Variants in PCGF5 observed in about 807,000 individuals in gnomAD.
PCGF5 encodes polycomb group RING finger protein 5.
PCGF5 carries 9 observed loss-of-function variants against 44.3 expected under a neutral mutation model. The observed-to-expected ratio is 0.20, with a 90% CI of 0.12 to 0.35. PCGF5 has a LOEUF of 0.35. PCGF5 is among the 10% of genes least tolerant of loss of function. PCGF5 has a pLI of 1.00. For synonymous variants in PCGF5, 95 were observed against 102.5 expected, an observed-to-expected ratio of 0.93 and a Z score of 0.44; for missense variants, 146 against 305.3, an observed-to-expected ratio of 0.48 and a Z score of 3.89.
At chr10:91,193,950 A>AAG (rs919594919) in intron 1 of PCGF5, among the ~76,000 whole-genome samples, 2 of 152,150 alleles carry the variant, frequency 1.3e-5, no homozygotes, top group African/African-American at 4.8e-5. Context: ...TTTGGGATGT[A>AAG]AGAGAGAGAG....
intron 2 of PCGF5, chr10:91,227,360 A>G (rs1351780959): frequency 1.6e-6 from 2 of 1,217,500 alleles, no homozygotes; most frequent in African/African-American, 3.1e-5. Context: ...CTGGATGTCC[A>G]CTTGGATGTC....
At chr10:91,226,138 G>A (rs1202878499) in intron 2 of PCGF5, among the ~76,000 whole-genome samples, 4 of 151,876 alleles carry the variant, frequency 2.6e-5, no homozygotes, top group South Asian at 4.2e-4. Context: ...GTTTTATGGA[G>A]ACTCATAAGA....
chr10:91,162,153 T>A (rs1170698376), upstream of PCGF5, among the ~76,000 whole-genome samples: 2 of 151,618 alleles, frequency 1.3e-5, no homozygotes, highest in Non-Finnish European at 2.9e-5. Flanking sequence ...AAACGGAGGC[T>A]TTGGGGTGAG....
chr10:91,157,328 T>A, the PCGF5 span, among the ~76,000 whole-genome samples: 1 of 152,240 alleles, frequency 6.6e-6, no homozygotes, highest in African/African-American at 2.4e-5. Context: ...GTTATTACTA[T>A]ATATTTCAGA....
chr10:91,190,027 G>A (rs1844003136), intron 1 of PCGF5, among the ~76,000 whole-genome samples: 1 of 152,158 alleles, frequency 6.6e-6, no homozygotes, highest in South Asian at 2.1e-4. Flanking sequence ...CTACAACAAA[G>A]CACCACAAAC....
At chr10:91,232,337 T>C (rs1188365210) in intron 2 of PCGF5, among the ~76,000 whole-genome samples, 2 of 152,094 alleles carry the variant, frequency 1.3e-5, no homozygotes, top group African/African-American at 4.8e-5. Flanking sequence ...GTACTATGAA[T>C]ACATAAGTAT....
chr10:91,266,639 TG>T (rs1376799778), intron 8 of PCGF5, among the ~76,000 whole-genome samples: 1 of 152,190 alleles, frequency 6.6e-6, no homozygotes, highest in Non-Finnish European at 1.5e-5. Flanking sequence ...GTGACAAACC[TG>T]TTTTTTAGTT....
At chr10:91,255,961 G>A (rs7900890) in intron 6 of PCGF5, among the ~76,000 whole-genome samples, 19,860 of 151,976 alleles carry the variant, frequency 0.13, 2,438 homozygotes, top group African/African-American at 0.32. Context: ...TGCTATGTAA[G>A]TAGTTGTTAA....
At chr10:91,267,708 A>G (rs1846080611) in intron 8 of PCGF5, among the ~76,000 whole-genome samples, 1 of 152,188 alleles carries the variant, frequency 6.6e-6, no homozygotes, top group South Asian at 2.1e-4. Flanking sequence ...CAGCAGTATC[A>G]CTAAAACAAT....
chr10:91,213,799 A>G (rs1312020885), intron 1 of PCGF5, among the ~76,000 whole-genome samples: 1 of 152,058 alleles, frequency 6.6e-6, no homozygotes, highest in Non-Finnish European at 1.5e-5. Context: ...CATTATTTTA[A>G]TGTGCCACAT....
chr10:91,240,429 C>T, intron 2 of PCGF5, 55 bp from the exon 3 acceptor site: 2 of 1,146,264 alleles, frequency 1.7e-6, no homozygotes, highest in Non-Finnish European at 2.6e-6. Flanking sequence ...CTTAGTTTAA[C>T]ATTAAATGAG....
intron 2 of PCGF5, among the ~76,000 whole-genome samples, chr10:91,224,583 G>A (rs1043538323): frequency 6.6e-6 from 1 of 152,156 alleles, no homozygotes; most frequent in African/African-American, 2.4e-5. Context: ...TTTATAGTGG[G>A]TCAGCCTCTT....
At chr10:91,244,458 A>T (rs760096244) in intron 3 of PCGF5, among the ~76,000 whole-genome samples, 12 of 152,168 alleles carry the variant, frequency 7.9e-5, no homozygotes, top group Non-Finnish European at 1.8e-4. Context: ...AGATCATGAG[A>T]TTCCAGATTA....
intron 1 of PCGF5, among the ~76,000 whole-genome samples, chr10:91,190,055 A>G (rs1407868708): frequency 6.6e-6 from 1 of 152,234 alleles, no homozygotes; most frequent in African/African-American, 2.4e-5. Flanking sequence ...TTTATATACA[A>G]TAGAAATTTA....
At position 91,278,556 on chromosome 10, in the gene PCGF5, A is replaced by AAGTCATGGTAAAAATCAGTT; in HGVS notation, c.*243_*262dup. On this transcript the variant is annotated 3_prime_UTR_variant, in exon 10 of 10. Transcript: ENST00000336126. The stretch of plus-strand genomic sequence containing the variant: ...GTATTTGTGTTGTCTCAAAGTGTGC[A>AAGTCATGGTAAAAATCAGTT]AGTCATGGTAAAAATCAGTTAGCTG... 1 of 448,008 alleles carries AAGTCATGGTAAAAATCAGTT rather than the reference A, an allele frequency of 2.2e-6. No homozygotes were observed. The highest frequency in any genetic ancestry group is 4.6e-5 in the South Asian group (1 of 21,588). 27.8% of individuals were successfully genotyped at this position (448,008 alleles called of 1,614,324 possible).
At chr10:91,201,619 A>G (rs1473812055) in intron 1 of PCGF5, among the ~76,000 whole-genome samples, 2 of 152,168 alleles carry the variant, frequency 1.3e-5, no homozygotes, top group African/African-American at 2.4e-5. Flanking sequence ...GGGAATTCTG[A>G]GAAACCCCAA....
At chr10:91,222,247 G>C (rs1387083156) in intron 1 of PCGF5, among the ~76,000 whole-genome samples, 1 of 152,206 alleles carries the variant, frequency 6.6e-6, no homozygotes, top group Non-Finnish European at 1.5e-5. Flanking sequence ...GAGCAGCCGG[G>C]CATGGAATAG....
upstream of PCGF5, among the ~76,000 whole-genome samples, chr10:91,217,321 C>A (rs750639975): frequency 6.6e-6 from 1 of 152,204 alleles, no homozygotes; most frequent in African/African-American, 2.4e-5. Context: ...CATGAGCCAC[C>A]GCACCCAGCT....
At chr10:91,160,244 C>T (rs549209159), upstream of PCGF5, among the ~76,000 whole-genome samples, 17 of 152,042 alleles carry the variant, frequency 1.1e-4, no homozygotes, top group South Asian at 2.1e-4. Flanking sequence ...ATTTAAAGTG[C>T]GGATGTATTA....
Sources: gnomAD v4.1 joint callset for allele counts (sites outside exome capture counted in the v4.1 genomes callset) on GRCh38, gnomAD v4.1.1 for gene constraint, MANE v1.5 for transcripts, NCBI Gene and HGNC (gene_info 2026-07-23, HGNC 2026-07-21) for gene names.